The following CNNM2 variants were observed in gnomAD, a reference collection of about 807,000 sequenced individuals.
CNNM2 encodes metal transporter CNNM2.
In CNNM2, 12 loss-of-function variants were observed where a neutral mutation model predicts 66.9. The observed-to-expected ratio is 0.18, with a 90% confidence interval of 0.11 to 0.29. The LOEUF (loss-of-function observed/expected upper bound fraction) is 0.29. CNNM2 is among the 10% of genes least tolerant of loss of function. The pLI is 1.00. For synonymous variants in CNNM2, 557 were observed against 501.8 expected (o/e 1.11, Z -1.47); for missense variants, 705 against 1,167.7 (o/e 0.60, Z 5.77).
chr10:103,008,908 A>T (rs766624764), intron 1 of CNNM2, among the ~76,000 whole-genome samples: 19 of 152,040 alleles, frequency 1.2e-4, no homozygotes, highest in Admixed American at 2.6e-4. Flanking sequence ...AGTATAGTTT[A>T]TAATATGAGC....
chr10:103,022,544 C>T (rs2064606722), intron 1 of CNNM2, among the ~76,000 whole-genome samples: 1 of 152,088 alleles, frequency 6.6e-6, no homozygotes, highest in Non-Finnish European at 1.5e-5. Flanking sequence ...TGGGATCAGC[C>T]ATGGTAGGAA....
At chr10:103,010,403 A>C (rs2064319960) in intron 1 of CNNM2, among the ~76,000 whole-genome samples, 1 of 151,794 alleles carries the variant, frequency 6.6e-6, no homozygotes, top group South Asian at 2.1e-4. Context: ...ATGCCCGGCT[A>C]ATTTTTTGTA....
chr10:102,954,607 T>C (rs191954267), intron 1 of CNNM2, among the ~76,000 whole-genome samples: 5 of 152,256 alleles, frequency 3.3e-5, no homozygotes, highest in Non-Finnish European at 7.4e-5. Context: ...GCAAAGATGA[T>C]GACATCTTGG....
chr10:102,945,074 A>G (rs1034715550), intron 1 of CNNM2, among the ~76,000 whole-genome samples: 4 of 151,196 alleles, frequency 2.6e-5, no homozygotes, highest in Non-Finnish European at 5.9e-5. Context: ...TAGATTGTGT[A>G]CATATCCTGT....
At chr10:103,010,405 T>G (rs937352919) in intron 1 of CNNM2, among the ~76,000 whole-genome samples, 1 of 151,880 alleles carries the variant, frequency 6.6e-6, no homozygotes, top group Admixed American at 6.6e-5. Context: ...GCCCGGCTAA[T>G]TTTTTGTAGA....
chr10:103,057,535 T>C (rs2065316225), intron 4 of CNNM2, among the ~76,000 whole-genome samples: 1 of 151,970 alleles, frequency 6.6e-6, no homozygotes, highest in Non-Finnish European at 1.5e-5. Context: ...TGAATTCAAT[T>C]GTTAGTATTT....
chr10:103,075,179 A>G (rs1268492880), intron 6 of CNNM2, among the ~76,000 whole-genome samples: 1 of 152,242 alleles, frequency 6.6e-6, no homozygotes, highest in Non-Finnish European at 1.5e-5. Flanking sequence ...TGTCAGGGAC[A>G]CATTGCAAAG....
chr10:102,998,100 G>A (rs1459354593), intron 1 of CNNM2, among the ~76,000 whole-genome samples: 1 of 152,058 alleles, frequency 6.6e-6, no homozygotes, highest in Non-Finnish European at 1.5e-5. Flanking sequence ...TGCCACATTA[G>A]TGGGCATTTA....
chr10:103,013,981 C>T (rs553985269), intron 1 of CNNM2, among the ~76,000 whole-genome samples: 4 of 152,262 alleles, frequency 2.6e-5, no homozygotes, highest in African/African-American at 9.6e-5. Flanking sequence ...ACAATTAGGA[C>T]CTGAGAAACT....
chr10:102,968,304 T>C (rs905931200), intron 1 of CNNM2, among the ~76,000 whole-genome samples: 3 of 152,118 alleles, frequency 2.0e-5, no homozygotes, highest in Admixed American at 6.5e-5. Flanking sequence ...TGGAGTGCAA[T>C]GGCGCAATCT....
chr10:103,016,471 C>T (rs1464293789), intron 1 of CNNM2, among the ~76,000 whole-genome samples: 1 of 152,148 alleles, frequency 6.6e-6, no homozygotes, highest in Admixed American at 6.5e-5. Flanking sequence ...GGTCATGTCC[C>T]TGCCTTCGTG....
intron 1 of CNNM2, among the ~76,000 whole-genome samples, chr10:103,018,784 G>A (rs367783329): frequency 2.2e-5 from 3 of 136,176 alleles, no homozygotes; most frequent in African/African-American, 8.4e-5. Flanking sequence ...TCAGCCCCCC[G>A]AGTAGCTGGG....
At chr10:103,007,892 A>C (rs1477185163) in intron 1 of CNNM2, among the ~76,000 whole-genome samples, 1 of 152,246 alleles carries the variant, frequency 6.6e-6, no homozygotes, top group African/African-American at 2.4e-5. Context: ...AAATTATAAA[A>C]GTATTAATTT....
intron 5 of CNNM2, among the ~76,000 whole-genome samples, chr10:103,069,559 G>C (rs2065538462): frequency 6.6e-6 from 1 of 152,236 alleles, no homozygotes; most frequent in Admixed American, 6.5e-5. Context: ...CTTGTCTGGA[G>C]AGCTGGCCAG....
intron 1 of CNNM2, among the ~76,000 whole-genome samples, chr10:103,041,333 C>T (rs1337786995): frequency 6.6e-6 from 1 of 152,180 alleles, no homozygotes; most frequent in Admixed American, 6.5e-5. Flanking sequence ...TTCATTCATT[C>T]ATTCTTCATT....
intron 1 of CNNM2, among the ~76,000 whole-genome samples, chr10:103,039,414 G>A (rs551715930): frequency 6.6e-6 from 1 of 152,298 alleles, no homozygotes; most frequent in East Asian, 1.9e-4. Flanking sequence ...TGGGATTTCA[G>A]GTGTGACCGA....
intron 1 of CNNM2, among the ~76,000 whole-genome samples, chr10:102,987,730 C>A (rs1266150322): frequency 1.3e-5 from 2 of 151,972 alleles, no homozygotes; most frequent in Non-Finnish European, 2.9e-5. Flanking sequence ...AATACATAGT[C>A]AAAAATGGTT....
chr10:103,075,035 G>A (rs1008365063), intron 6 of CNNM2, among the ~76,000 whole-genome samples: 25 of 152,140 alleles, frequency 1.6e-4, no homozygotes, highest in Non-Finnish European at 3.2e-4. Context: ...GAAAGAAAAG[G>A]TACTAAAGCT....
rs1283603084 is a variant in CNNM2 at position 102,995,139 on chromosome 10, ATTC to A, written c.1622-54564_1622-54562del. Among the ~76,000 whole-genome samples the A allele has an allele frequency of 0.036, 499 of 13,810 alleles. 6 individuals carry two copies. The highest frequency in any genetic ancestry group is 0.22 in the Middle Eastern group (4 of 18). The allele number at this position is 13,810 out of a possible 152,430, so 9.1% of individuals were successfully genotyped here. On this transcript the variant is annotated intron_variant, in intron 1 of 7. Transcript: ENST00000369878. ...TGGCTCCTGGGGTTTTCTTCTTCTT[ATTC>A]TTCCTCCTCCCCCTCTTCCTCCTCC...
Sources: allele counts gnomAD v4.1 joint callset (sites outside exome capture counted in the v4.1 genomes callset), GRCh38; gene constraint gnomAD v4.1.1; transcripts MANE v1.5; gene names NCBI Gene and HGNC (gene_info 2026-07-23, HGNC 2026-07-21).